The following COPB1 variants were observed in gnomAD, a reference collection of about 807,000 sequenced individuals.
COPB1 encodes coatomer subunit beta.
COPB1 carries 21 observed loss-of-function variants against 108.7 expected under a neutral mutation model. The observed-to-expected ratio is 0.19, with a 90% confidence interval of 0.14 to 0.28. COPB1 has a LOEUF of 0.28. COPB1 is among the 10% of genes least tolerant of loss of function. COPB1 has a pLI of 1.00. For missense variants in COPB1, 919 were observed against 1,141.3 expected (o/e 0.81, Z 2.81); for synonymous variants, 378 against 386.8 (o/e 0.98, Z 0.27).
In COPB1 at chr11:14,461,400, C is replaced by T; in HGVS notation, c.2411-69G>A. The T allele has an allele frequency of 2.7e-6, 4 of 1,496,030 alleles. No individual in the cohort carries two copies. In the South Asian group the frequency reaches 3.6e-5, roughly 13 times the overall value. 92.7% of individuals were successfully genotyped at this position (1,496,030 alleles called of 1,614,324 possible). A position where few individuals can be genotyped will look rare whatever the true frequency, so the allele number is the denominator to read the frequency against. On this transcript the variant is annotated intron_variant, in intron 18 of 21. Coordinates refer to ENST00000439561, the MANE Select transcript of COPB1 (RefSeq NM_001144061.2). Reference sequence around the variant, plus strand: ...CTTGAATTTAAAAAATCTTAATATCCAAATATCCAAAGAACTACACTATTA... The same window carrying T: ...CTTGAATTTAAAAAATCTTAATATCTAAATATCCAAAGAACTACACTATTA...
In COPB1 at chr11:14,483,038, T is replaced by C. The variant is rs2134116784; in HGVS notation, c.951A>G (p.Val317=). 1 of 1,564,310 alleles carries C rather than the reference T, an allele frequency of 6.4e-7. No individual in the cohort carries two copies. The highest frequency in any genetic ancestry group is 8.7e-7 in the Non-Finnish European group (1 of 1,143,768). ...ELKEHPAHER[V]LQDLVMDILR... is the part of the protein sequence containing the mutation. ...TTTTTCAGATAACACTTACCTGTAG[T>C]ACTCGTTCATGAGCAGGATGCTCTT... is the stretch of plus-strand genomic sequence containing the variant. Residue 317 remains valine (V), a synonymous_variant, in exon 8 of 22, where the codon GTA becomes GTG. Transcript: ENST00000439561.
chr11:14,472,312 G>A (rs182605963), intron 14 of COPB1, among the ~76,000 whole-genome samples: 1 of 152,312 alleles, frequency 6.6e-6, no homozygotes, highest in East Asian at 1.9e-4. Flanking sequence ...ATTTTAAAAG[G>A]AGTCTTTTAT....
rs943432490 is a variant in COPB1 at position 14,494,080 on chromosome 11, T to C, written c.321+130A>G. 8.3e-6 allele frequency: 6 copies of C among 719,046 alleles called. No homozygotes were observed. In the African/African-American group the frequency reaches 9.0e-5, roughly 11 times the overall value. 44.5% of individuals were successfully genotyped at this position (719,046 alleles called of 1,614,324 possible). On this transcript the variant is annotated intron_variant, in intron 3 of 21. Transcript: ENST00000439561. The stretch of plus-strand genomic sequence containing the variant: ...AATAAAACTTTTAAAAATAACTCTT[T>C]TACAATTCCAAATCTCTACAACTTA...
At chr11:14,494,673 C>T (rs530140971) in intron 2 of COPB1, 4 of 375,664 alleles carry the variant, frequency 1.1e-5, no homozygotes, top group African/African-American at 6.2e-5. Context: ...AATATGAAGG[C>T]GCTGGATTAG....
At chr11:14,483,713 AGAAG>A (rs1436734898) in intron 7 of COPB1, among the ~76,000 whole-genome samples, 1 of 152,106 alleles carries the variant, frequency 6.6e-6, no homozygotes, top group African/African-American at 2.4e-5. Context: ...AGGAAGGAAA[AGAAG>A]GGAGGGAGGG....
At chr11:14,482,199 A>G (rs1416316642) in intron 8 of COPB1, among the ~76,000 whole-genome samples, 1 of 152,192 alleles carries the variant, frequency 6.6e-6, no homozygotes, top group Non-Finnish European at 1.5e-5. Context: ...ACTGATCAAT[A>G]CTATTAACTA....
intron 7 of COPB1, among the ~76,000 whole-genome samples, chr11:14,483,769 A>G (rs1164003867): frequency 2.6e-5 from 4 of 152,198 alleles, no homozygotes; most frequent in Admixed American, 6.5e-5. Flanking sequence ...ATTCCAATAA[A>G]TAAATACTGA....
chr11:14,470,944 ACT>A (rs1162965849), intron 14 of COPB1, among the ~76,000 whole-genome samples: 4,360 of 89,970 alleles, frequency 0.048, 109 homozygotes, highest in African/African-American at 0.12. Context: ...ACACACACAC[ACT>A]CTCTCTCTCT....
intron 13 of COPB1, among the ~76,000 whole-genome samples, chr11:14,475,257 ATTC>A (rs1232563046): frequency 6.6e-6 from 1 of 152,136 alleles, no homozygotes; most frequent in African/African-American, 2.4e-5. Context: ...TAAGCCTCAA[ATTC>A]TTCTTCCATA....
In COPB1 at chr11:14,492,668, A is replaced by G. The variant is rs533912623; in HGVS notation, c.491+974T>C. On this transcript the variant is annotated intron_variant, in intron 4 of 21. Transcript: ENST00000439561. ...CATCTACATTATTAACCAGAATACCACTTTCCTTAATGGATAAAATCTAAC... is the reference window on the plus strand; with the variant it reads ...CATCTACATTATTAACCAGAATACCGCTTTCCTTAATGGATAAAATCTAAC... Among the ~76,000 whole-genome samples the G allele has an allele frequency of 5.9e-5, 9 of 152,186 alleles. No individual in the cohort carries two copies. The South Asian group carries it at 1.5e-3, about 25-fold the overall frequency.
chr11:14,490,083 G>C (rs1004246925), intron 5 of COPB1, among the ~76,000 whole-genome samples: 1 of 152,130 alleles, frequency 6.6e-6, no homozygotes, highest in Non-Finnish European at 1.5e-5. Flanking sequence ...CAGAGTAATT[G>C]CTAACCAAAA....
intron 14 of COPB1, 54 bp from the exon 15 acceptor site, chr11:14,469,617 T>A: frequency 7.3e-7 from 1 of 1,370,046 alleles, no homozygotes; most frequent in Admixed American, 1.8e-5. Context: ...CAGATTGCAA[T>A]CATGTCACTT....
intron 2 of COPB1, among the ~76,000 whole-genome samples, chr11:14,498,272 T>C (rs1443593616): frequency 1.3e-5 from 2 of 152,258 alleles, no homozygotes; most frequent in Non-Finnish European, 2.9e-5. Flanking sequence ...GCATTTCATG[T>C]ACCCCATAAA....
At chr11:14,485,647 G>C (rs1589964886) in intron 7 of COPB1, among the ~76,000 whole-genome samples, 2 of 152,140 alleles carry the variant, frequency 1.3e-5, no homozygotes, top group African/African-American at 4.8e-5. Flanking sequence ...AGGAGTTCAA[G>C]ACCAGCCTGG....
chr11:14,468,117 T>C (rs558894904), intron 16 of COPB1, among the ~76,000 whole-genome samples: 3 of 152,316 alleles, frequency 2.0e-5, no homozygotes, highest in Admixed American at 6.5e-5. Context: ...TTCCCAATTT[T>C]AAGGGAGGGA....
intron 19 of COPB1, among the ~76,000 whole-genome samples, chr11:14,460,608 C>T (rs1055239235): frequency 2.0e-5 from 3 of 151,968 alleles, no homozygotes; most frequent in African/African-American, 7.3e-5. Context: ...CCTCAACCTC[C>T]CATGTTCAAG....
intron 11 of COPB1, 139 bp from the exon 12 acceptor site, chr11:14,477,154 C>T (rs1245198518): frequency 2.4e-5 from 14 of 592,222 alleles, no homozygotes; most frequent in South Asian, 3.7e-5. Context: ...GAGGCCGAGG[C>T]GGGCGGATCA....
intron 16 of COPB1, among the ~76,000 whole-genome samples, chr11:14,468,246 G>C (rs920729772): frequency 1.3e-5 from 2 of 152,156 alleles, no homozygotes; most frequent in African/African-American, 4.8e-5. Context: ...ATATTTAAGA[G>C]AGTAGAATCA....
intron 2 of COPB1, among the ~76,000 whole-genome samples, chr11:14,497,634 G>A (rs1399956619): frequency 6.6e-6 from 1 of 152,094 alleles, no homozygotes; most frequent in African/African-American, 2.4e-5. Flanking sequence ...CAGTTTGGAG[G>A]GTCCTCAAAA....
Sources: allele counts gnomAD v4.1 joint callset (sites outside exome capture counted in the v4.1 genomes callset), GRCh38; gene constraint gnomAD v4.1.1; transcripts MANE v1.5; gene names NCBI Gene and HGNC (gene_info 2026-07-23, HGNC 2026-07-21).